The following CNBD1 variants were observed in gnomAD, a reference collection of about 807,000 sequenced individuals.
The protein encoded by CNBD1 is cyclic nucleotide-binding domain-containing protein 1.
CNBD1 carries 71 observed loss-of-function variants against 54.4 expected under a neutral mutation model. That is an observed-to-expected ratio of 1.30 (90% CI 1.08 to 1.59). CNBD1 has a LOEUF of 1.59. Ranked by LOEUF, CNBD1 falls within the 40% of genes most tolerant of loss-of-function variation. The pLI is 0.00. For missense variants in CNBD1, 659 were observed against 518.0 expected, an observed-to-expected ratio of 1.27 and a Z score of -2.64; for synonymous variants, 182 against 170.7, an observed-to-expected ratio of 1.07 and a Z score of -0.51.
chr8:87,379,694 G>A (rs1811033682), intron 10 of CNBD1, among the ~76,000 whole-genome samples: 1 of 151,926 alleles, frequency 6.6e-6, no homozygotes, highest in East Asian at 1.9e-4. Flanking sequence ...TGCACTGTCA[G>A]AATACCAGTA....
chr8:87,359,286 C>T (rs533306968), intron 10 of CNBD1, among the ~76,000 whole-genome samples: 1 of 146,582 alleles, frequency 6.8e-6, no homozygotes, highest in Admixed American at 6.7e-5. Context: ...ATTCCATAGT[C>T]TGAATTTCAT....
At chr8:87,219,462 C>A (rs751229970) in intron 5 of CNBD1, among the ~76,000 whole-genome samples, 2 of 151,922 alleles carry the variant, frequency 1.3e-5, no homozygotes, top group Non-Finnish European at 2.9e-5. Context: ...ACAAATTATA[C>A]CTTCAGCTTA....
chr8:87,387,203 A>T (rs940733972), downstream of CNBD1, among the ~76,000 whole-genome samples: 2 of 152,136 alleles, frequency 1.3e-5, no homozygotes, highest in African/African-American at 4.8e-5. Flanking sequence ...TCAACTAATG[A>T]GCAAAATAAC....
intron 4 of CNBD1, among the ~76,000 whole-genome samples, chr8:87,148,870 C>G (rs1176912601): frequency 6.6e-6 from 1 of 152,172 alleles, no homozygotes; most frequent in Non-Finnish European, 1.5e-5. Context: ...GCTGCTACTA[C>G]TCATAGGGGA....
intron 8 of CNBD1, among the ~76,000 whole-genome samples, chr8:87,299,297 CCATGCTTCTCTAG>C (rs1246896081): frequency 6.6e-6 from 1 of 152,150 alleles, no homozygotes; most frequent in Non-Finnish European, 1.5e-5. Context: ...CTTCTCCTGG[CCATGCTTCTCTAG>C]TCCCGACGGT....
chr8:87,274,924 T>G (rs1396569902), intron 6 of CNBD1, among the ~76,000 whole-genome samples: 1 of 134,510 alleles, frequency 7.4e-6, no homozygotes, highest in Non-Finnish European at 1.6e-5. Flanking sequence ...GTTTAAGTCT[T>G]TAATCCATCT....
chr8:86,906,971 A>G (rs1010015003), intron 3 of CNBD1, among the ~76,000 whole-genome samples: 9 of 152,234 alleles, frequency 5.9e-5, no homozygotes, highest in Non-Finnish European at 1.2e-4. Context: ...AAGTGTCTGA[A>G]AAGCCAATAA....
intron 2 of CNBD1, among the ~76,000 whole-genome samples, chr8:87,412,836 G>T (rs1320939713): frequency 6.6e-6 from 1 of 152,012 alleles, no homozygotes; most frequent in Non-Finnish European, 1.5e-5. Context: ...TGATGTAAAT[G>T]ATTACATTCT....
chr8:87,060,052 T>A (rs1666245079), intron 4 of CNBD1, among the ~76,000 whole-genome samples: 1 of 152,204 alleles, frequency 6.6e-6, no homozygotes, highest in South Asian at 2.1e-4. Context: ...GAATAGTTCC[T>A]GGGAAGTTGC....
chr8:86,924,601 T>C (rs1469413573), intron 3 of CNBD1, among the ~76,000 whole-genome samples: 1 of 151,982 alleles, frequency 6.6e-6, no homozygotes, highest in Non-Finnish European at 1.5e-5. Context: ...ACAATGAATA[T>C]TTTTTTGCCT....
At chr8:86,871,752 T>A (rs1808446300) in intron 1 of CNBD1, among the ~76,000 whole-genome samples, 1 of 152,114 alleles carries the variant, frequency 6.6e-6, no homozygotes, top group Non-Finnish European at 1.5e-5. Flanking sequence ...CTGTTAGGGG[T>A]TCCCCTTCTG....
intron 1 of CNBD1, 27 bp from the exon 2 acceptor site, chr8:86,887,515 T>G: frequency 7.0e-7 from 1 of 1,432,308 alleles, no homozygotes; most frequent in Non-Finnish European, 9.6e-7. Context: ...GGAAAATTAC[T>G]CAAATTTTTA....
intron 4 of CNBD1, among the ~76,000 whole-genome samples, chr8:87,133,386 C>T (rs1563481110): frequency 1.3e-5 from 2 of 152,322 alleles, no homozygotes; most frequent in East Asian, 1.9e-4. Flanking sequence ...CTTTGACTCA[C>T]ACTCTAAACT....
intron 4 of CNBD1, among the ~76,000 whole-genome samples, chr8:86,954,354 A>T (rs1379831586): frequency 6.6e-6 from 1 of 152,228 alleles, no homozygotes; most frequent in Non-Finnish European, 1.5e-5. Context: ...GTTAAAGAGC[A>T]TATTAGTTCC....
Position 87,334,686 on chromosome 8 carries a change from G to C in CNBD1, c.1043-16999G>C, listed in dbSNP as rs1445947995. 2.7e-5 allele frequency among the ~76,000 whole-genome samples: 4 copies of C among 149,928 alleles called. 1 individual carries two copies. The highest frequency in any genetic ancestry group is 9.8e-5 in the African/African-American group (4 of 40,854). ...TTTCTATGTAGTTGTGTGGTTTTGA[G>C]TGAGTTTTCTTTTTTCTTTTCTTTT... is the stretch of plus-strand genomic sequence containing the variant. On this transcript the variant is annotated intron_variant, in intron 8 of 10. Transcript: ENST00000518476.
chr8:87,374,950 T>C (rs1215049644), intron 10 of CNBD1, among the ~76,000 whole-genome samples: 9 of 149,990 alleles, frequency 6.0e-5, no homozygotes, highest in Non-Finnish European at 1.0e-4. Flanking sequence ...CTGGCAAAAA[T>C]GCAAGGTTTT....
intron 8 of CNBD1, among the ~76,000 whole-genome samples, chr8:87,335,462 C>G (rs1262644823): frequency 6.6e-6 from 1 of 152,004 alleles, no homozygotes; most frequent in Non-Finnish European, 1.5e-5. Flanking sequence ...TATGTAATGC[C>G]CTTTTTTGTA....
At chr8:87,404,207 G>A (rs1039050585) in intron 2 of CNBD1, among the ~76,000 whole-genome samples, 1 of 152,008 alleles carries the variant, frequency 6.6e-6, no homozygotes, top group African/African-American at 2.4e-5. Context: ...CAGGGGTAGG[G>A]AAGTGGGGAT....
chr8:87,366,245 G>T (rs1810639839), intron 10 of CNBD1, among the ~76,000 whole-genome samples: 1 of 152,034 alleles, frequency 6.6e-6, no homozygotes, highest in African/African-American at 2.4e-5. Context: ...CTAAGTGTTG[G>T]CCAAGCTGTG....
Sources: allele counts gnomAD v4.1 joint callset (sites outside exome capture counted in the v4.1 genomes callset), GRCh38; gene constraint gnomAD v4.1.1; transcripts MANE v1.5; gene names NCBI Gene and HGNC (gene_info 2026-07-23, HGNC 2026-07-21).